The following PBRM1 variants were observed in gnomAD, a reference collection of about 807,000 sequenced individuals.
The protein encoded by PBRM1 is protein polybromo-1.
A neutral mutation model predicts 194.5 loss-of-function variants in PBRM1; 27 were observed. The observed-to-expected ratio is 0.14, with a 90% confidence interval of 0.10 to 0.19. PBRM1 has a LOEUF of 0.19. Ranked by LOEUF, PBRM1 falls within the 10% of genes least tolerant of loss-of-function variation. PBRM1 has a pLI of 1.00. For synonymous variants in PBRM1, 655 were observed against 693.2 expected (o/e 0.94, Z 0.87); for missense variants, 1,466 against 2,077.2 (o/e 0.71, Z 5.72).
At chr3:52,554,683 T>G (rs780839620) in intron 27 of PBRM1, 41 bp downstream of exon 29, 11 of 1,487,836 alleles carry the variant, frequency 7.4e-6, no homozygotes, top group Non-Finnish European at 9.0e-6. Flanking sequence ...AAAGAGAATA[T>G]GAAGATGAGA....
intron 10 of PBRM1, among the ~76,000 whole-genome samples, chr3:52,636,955 T>C (rs1048491809): frequency 9.2e-5 from 14 of 151,902 alleles, no homozygotes; most frequent in African/African-American, 3.4e-4. Flanking sequence ...TATTATTTCT[T>C]TTTCAAATGG....
intron 27 of PBRM1, among the ~76,000 whole-genome samples, chr3:52,553,588 C>G (rs1005334236): frequency 4.0e-5 from 6 of 150,064 alleles, no homozygotes; most frequent in Non-Finnish European, 7.4e-5. Context: ...TCCCCAGGCT[C>G]AGGTAATTCT....
At chr3:52,668,508 G>T in exon 3 of PBRM1, 2 of 1,599,638 alleles carry the variant, frequency 1.3e-6, no homozygotes, top group South Asian at 2.3e-5. Flanking sequence ...CTTATAATAG[G>T]ACTTTGCATT....
At chr3:52,589,295 C>T (rs2092774907) in intron 17 of PBRM1, 40 bp from the exon 20 acceptor site, 27 of 1,352,320 alleles carry the variant, frequency 2.0e-5, no homozygotes, top group Non-Finnish European at 2.7e-5. Context: ...AAAAGGTACT[C>T]ACCAAAGGGA....
At chr3:52,672,491 C>CTTTTTTTTTTTTTTTTTTTTTTTTTGTT (rs34792299) in intron 2 of PBRM1, among the ~76,000 whole-genome samples, 1 of 103,860 alleles carries the variant, frequency 9.6e-6, no homozygotes, top group Non-Finnish European at 1.9e-5. Flanking sequence ...TTTTTTTTGG[C>CTTTTTTTTTTTTTTTTTTTTTTTTTGTT]TTTTTTTTTT....
In PBRM1 at chr3:52,648,449, TA is replaced by T; in HGVS notation, c.715-8del. The stretch of plus-strand genomic sequence containing the variant: ...TACTTTTGTAGCTTCCATTCTACAA[TA>T]AACAACAAAATATAGCAGTTCCTTT... On this transcript the variant is annotated splice_polypyrimidine_tract_variant and splice_region_variant and intron_variant, in intron 6 of 29. Coordinates refer to ENST00000296302, the Ensembl canonical transcript of PBRM1. The T allele has an allele frequency of 6.6e-7, 1 of 1,505,496 alleles. No homozygotes were observed. Among genetic ancestry groups the T allele is most frequent in the Non-Finnish European group, 9.2e-7 (1 of 1,086,608 alleles). 93.3% of individuals were successfully genotyped at this position (1,505,496 alleles called of 1,614,324 possible).
At chr3:52,617,598 C>A in intron 13 of PBRM1, 60 bp from the exon 16 acceptor site, 1 of 1,213,902 alleles carries the variant, frequency 8.2e-7, no homozygotes, top group Non-Finnish European at 1.2e-6. Context: ...TCTTAATATA[C>A]GGATGACCAC....
chr3:52,682,971 G>A (rs1422261028), upstream of PBRM1, among the ~76,000 whole-genome samples: 2 of 152,066 alleles, frequency 1.3e-5, no homozygotes, highest in Non-Finnish European at 1.5e-5. Context: ...AGGCTAAGGC[G>A]GATGGATCAC....
At position 52,603,839 on chromosome 3, in the gene PBRM1, T is replaced by A. The variant is rs188424299; in HGVS notation, c.2568-107A>T. ...GCTTCTTTAATTGATATAGTGGTAT[T>A]TCTGTACAGGTCTATGAAGAGTATC... On this transcript the variant is annotated intron_variant, in intron 16 of 29. Transcript: ENST00000296302. The A allele has an allele frequency of 5.2e-6, 5 of 958,778 alleles. No individual in the cohort carries two copies. The East Asian group carries it at 1.3e-4, about 25-fold the overall frequency. The allele number at this position is 958,778 out of a possible 1,614,324, so 59.4% of individuals were successfully genotyped here.
At chr3:52,678,459 A>C in intron 2 of PBRM1, 41 bp downstream of exon 3, 1 of 1,334,588 alleles carries the variant, frequency 7.5e-7, no homozygotes, top group Non-Finnish European at 1.1e-6. Flanking sequence ...TGGACTCTGG[A>C]CCAAATCCCC....
intron 16 of PBRM1, among the ~76,000 whole-genome samples, chr3:52,605,942 C>T (rs2094325824): frequency 6.6e-6 from 1 of 151,362 alleles, no homozygotes; most frequent in African/African-American, 2.4e-5. Context: ...CATAGAAATG[C>T]TAATACTTGT....
intron 10 of PBRM1, among the ~76,000 whole-genome samples, chr3:52,637,296 C>T (rs958572749): frequency 1.3e-5 from 2 of 152,096 alleles, no homozygotes; most frequent in African/African-American, 4.8e-5. Context: ...TACCTTGTTT[C>T]TGTTGGTAAG....
At chr3:52,578,902 AG>A in intron 21 of PBRM1, 151 bp downstream of exon 23, 1 of 748,152 alleles carries the variant, frequency 1.3e-6, no homozygotes, top group South Asian at 1.5e-5. Context: ...AATTTAAGGA[AG>A]AAAGTGTGGT....
chr3:52,631,343 G>A lies in PBRM1; in HGVS notation c.1302-2308C>T, dbSNP rs374362328. 2.2e-4 allele frequency among the ~76,000 whole-genome samples: 34 copies of A among 151,810 alleles called. No individual in the cohort carries two copies. In the East Asian group the frequency reaches 3.9e-3, roughly 17 times the overall value. On this transcript the variant is annotated intron_variant, in intron 11 of 29. Transcript: ENST00000296302. ...AAAAAATTATTACTGATCAAATGGT[G>A]AAAACAAAAGTTACAAATGCAAAAG...
intron 5 of PBRM1, 144 bp downstream of exon 6, chr3:52,658,055 A>G (rs915354414): frequency 5.5e-6 from 3 of 542,194 alleles, no homozygotes; most frequent in Non-Finnish European, 1.0e-5. Context: ...GGCCTCCCAA[A>G]GTGCTGGGAT....
chr3:52,627,198 T>A, intron 13 of PBRM1, 75 bp downstream of exon 14: 3 of 767,836 alleles, frequency 3.9e-6, no homozygotes, highest in South Asian at 1.7e-5. Flanking sequence ...GCTTAAAAAA[T>A]ATATATTTTC....
intron 13 of PBRM1, among the ~76,000 whole-genome samples, chr3:52,620,162 A>G (rs563931008): frequency 6.6e-5 from 10 of 152,320 alleles, no homozygotes; most frequent in African/African-American, 1.9e-4. Flanking sequence ...AATACAAGGG[A>G]AGTTAGGACA....
chr3:52,606,402 T>C (rs2094352256), intron 16 of PBRM1, among the ~76,000 whole-genome samples: 1 of 152,188 alleles, frequency 6.6e-6, no homozygotes, highest in South Asian at 2.1e-4. Context: ...TGTACAATTT[T>C]AAGTATAAAA....
intron 17 of PBRM1, among the ~76,000 whole-genome samples, chr3:52,593,968 T>C (rs1278888874): frequency 6.6e-6 from 1 of 152,176 alleles, no homozygotes. Flanking sequence ...TGTGTTCAGG[T>C]CCGGAATATC....
Sources: allele counts gnomAD v4.1 joint callset (sites outside exome capture counted in the v4.1 genomes callset), GRCh38; gene constraint gnomAD v4.1.1; transcripts MANE v1.5; gene names NCBI Gene and HGNC (gene_info 2026-07-23, HGNC 2026-07-21).